Variants in PPARGC1A observed in about 807,000 individuals in gnomAD.
PPARGC1A encodes peroxisome proliferator-activated receptor gamma coactivator 1-alpha.
In PPARGC1A, 25 loss-of-function variants were observed where a neutral mutation model predicts 88.7. That is an observed-to-expected ratio of 0.28 (90% confidence interval 0.21 to 0.39). The LOEUF (loss-of-function observed/expected upper bound fraction) is 0.39, where lower values mean the gene tolerates loss of function less well. Ranked by LOEUF, PPARGC1A falls within the 10% of genes least tolerant of loss-of-function variation. PPARGC1A has a pLI of 1.00. For synonymous variants in PPARGC1A, 363 were observed against 355.6 expected (o/e 1.02, Z -0.24); for missense variants, 880 against 968.7 (o/e 0.91, Z 1.22).
the PPARGC1A span, among the ~76,000 whole-genome samples, chr4:24,141,062 G>A: frequency 8.9e-3 from 1,352 of 152,290 alleles, 24 homozygotes; most frequent in African/African-American, 0.031. Context: ...CACAGGCTTC[G>A]AACAGCCATA....
chr4:23,810,832 T>C (rs908681777), intron 10 of PPARGC1A, among the ~76,000 whole-genome samples: 2 of 152,246 alleles, frequency 1.3e-5, no homozygotes, highest in Non-Finnish European at 2.9e-5. Context: ...TTGTAATGAT[T>C]ATAATGTGCC....
chr4:24,283,204 G>T, the PPARGC1A span, among the ~76,000 whole-genome samples: 1 of 152,130 alleles, frequency 6.6e-6, no homozygotes, highest in East Asian at 1.9e-4. Context: ...AGACATGATT[G>T]TTCTCGACCA....
At chr4:23,959,906 T>C in the PPARGC1A span, among the ~76,000 whole-genome samples, 2 of 152,028 alleles carry the variant, frequency 1.3e-5, no homozygotes, top group Non-Finnish European at 2.9e-5. Flanking sequence ...ATGCAATGAG[T>C]GCCCAAAAGC....
chr4:24,213,279 G>A, the PPARGC1A span, among the ~76,000 whole-genome samples: 1 of 150,200 alleles, frequency 6.7e-6, no homozygotes, highest in Non-Finnish European at 1.5e-5. Flanking sequence ...CCATTCTCCT[G>A]CCTCAGCCTC....
At chr4:23,806,671 A>G (rs530770348) in intron 10 of PPARGC1A, among the ~76,000 whole-genome samples, 1 of 152,316 alleles carries the variant, frequency 6.6e-6, no homozygotes, top group South Asian at 2.1e-4. Flanking sequence ...ATTAACATCT[A>G]TAGTAAATCC....
rs937026324 is a variant in PPARGC1A at position 23,792,789 on chromosome 4, A to AAAAT, written c.*3029_*3032dup. Reference sequence around the variant, plus strand: ...TTCATTTGAAATATTCTCTCCCAAAAAAATAAAAATAAAAATGAGAGGAGC... The same window carrying AAAAT: ...TTCATTTGAAATATTCTCTCCCAAAAAAATAAATAAAAATAAAAATGAGAGGAGC... On this transcript the variant is annotated 3_prime_UTR_variant, in exon 13 of 13. Coordinates refer to ENST00000264867, the MANE Select transcript of PPARGC1A (RefSeq NM_013261.5). 1.3e-5 allele frequency: 2 copies of AAAAT among 152,472 alleles called. No homozygotes were observed. Among genetic ancestry groups the AAAAT allele is most frequent in the African/African-American group, 4.8e-5 (2 of 41,382 alleles). 9.4% of individuals were successfully genotyped at this position (152,472 alleles called of 1,614,324 possible). A position where few individuals can be genotyped will look rare whatever the true frequency, so the allele number is the denominator to read the frequency against.
At chr4:24,008,143 C>A in the PPARGC1A span, among the ~76,000 whole-genome samples, 1 of 152,180 alleles carries the variant, frequency 6.6e-6, no homozygotes, top group Non-Finnish European at 1.5e-5. Context: ...TCTGCCAGAT[C>A]TCGCCCAGCT....
the PPARGC1A span, among the ~76,000 whole-genome samples, chr4:24,247,417 C>T: frequency 2.0e-5 from 3 of 151,978 alleles, no homozygotes; most frequent in Non-Finnish European, 2.9e-5. Flanking sequence ...ACTTCCGGTT[C>T]GTAAATGTTT....
At chr4:24,005,572 A>T in the PPARGC1A span, among the ~76,000 whole-genome samples, 2 of 152,242 alleles carry the variant, frequency 1.3e-5, no homozygotes, top group Non-Finnish European at 2.9e-5. Flanking sequence ...AATGTAAGAC[A>T]GCAGCGTTCA....
At chr4:24,421,367 G>C in the PPARGC1A span, among the ~76,000 whole-genome samples, 1 of 148,866 alleles carries the variant, frequency 6.7e-6, no homozygotes, top group South Asian at 2.1e-4. Flanking sequence ...CTGGAGTGCA[G>C]TGGCGCGATT....
the PPARGC1A span, among the ~76,000 whole-genome samples, chr4:24,158,732 G>T: frequency 6.6e-6 from 1 of 152,096 alleles, no homozygotes; most frequent in Admixed American, 6.5e-5. Context: ...TGATTTTGAG[G>T]GTCATGAATA....
the PPARGC1A span, among the ~76,000 whole-genome samples, chr4:24,426,223 ATTCT>A: frequency 6.1e-4 from 93 of 152,322 alleles, no homozygotes; most frequent in Middle Eastern, 3.4e-3. Context: ...TGATATTGTG[ATTCT>A]TTCTGAGACA....
intron 7 of PPARGC1A, among the ~76,000 whole-genome samples, chr4:23,817,058 C>T (rs1412233666): frequency 2.0e-5 from 3 of 152,072 alleles, no homozygotes; most frequent in South Asian, 2.1e-4. Flanking sequence ...GAGTGTCTGC[C>T]GCACGCCACT....
At chr4:24,092,811 T>G in the PPARGC1A span, among the ~76,000 whole-genome samples, 1 of 152,214 alleles carries the variant, frequency 6.6e-6, no homozygotes, top group African/African-American at 2.4e-5. Context: ...GATTAAATAT[T>G]GTTAGGTTCT....
intron 2 of PPARGC1A, among the ~76,000 whole-genome samples, chr4:23,865,519 T>C (rs148823714): frequency 6.6e-6 from 1 of 152,144 alleles, no homozygotes; most frequent in South Asian, 2.1e-4. Context: ...AGAAGACCCA[T>C]GCATGGTGTC....
the PPARGC1A span, among the ~76,000 whole-genome samples, chr4:24,228,468 A>C: frequency 6.6e-6 from 1 of 152,196 alleles, no homozygotes; most frequent in Non-Finnish European, 1.5e-5. Flanking sequence ...TAAAGTTGGC[A>C]ACAATGGACA....
intron 3 of PPARGC1A, among the ~76,000 whole-genome samples, chr4:23,830,690 G>A (rs1461989821): frequency 1.3e-5 from 2 of 152,128 alleles, no homozygotes; most frequent in African/African-American, 4.8e-5. Flanking sequence ...GAGTCTGGAG[G>A]ATCATGGCAT....
At chr4:24,152,844 T>C in the PPARGC1A span, among the ~76,000 whole-genome samples, 7 of 152,198 alleles carry the variant, frequency 4.6e-5, no homozygotes, top group African/African-American at 1.7e-4. Context: ...AATAAATAAA[T>C]GTCTATGTAT....
Position 23,829,600 on chromosome 4 carries a change from A to G in PPARGC1A, c.430-15T>C, listed in dbSNP as rs764721420. ...AGCTTCTTAAGCTAGAAACATTATC[A>G]GGGAAAGGGAAAAGCAAGTAAAGTT... On this transcript the variant is annotated splice_polypyrimidine_tract_variant and intron_variant, in intron 3 of 12. Coordinates refer to ENST00000264867, the MANE Select transcript of PPARGC1A (RefSeq NM_013261.5). 1.2e-6 allele frequency: 2 copies of G among 1,605,452 alleles called. No individual in the cohort carries two copies. Among genetic ancestry groups the G allele is most frequent in the East Asian group, 4.5e-5 (2 of 44,778 alleles).
Sources: gnomAD v4.1 joint callset for allele counts (sites outside exome capture counted in the v4.1 genomes callset) on GRCh38, gnomAD v4.1.1 for gene constraint, MANE v1.5 for transcripts, NCBI Gene and HGNC (gene_info 2026-07-23, HGNC 2026-07-21) for gene names.